Variants in PTPRO observed in about 807,000 individuals in gnomAD.
PTPRO encodes receptor-type tyrosine-protein phosphatase O.
Under a neutral mutation model 145.2 loss-of-function variants are expected in PTPRO, and 62 were observed. The observed-to-expected ratio is 0.43, with a 90% CI of 0.35 to 0.53. The LOEUF is 0.53. Among genes scored for constraint, PTPRO ranks in the 20% least tolerant of loss-of-function variants. The probability of loss-of-function intolerance (pLI) is 0.01; values close to 1 mark genes in which losing one functional copy is unlikely to be tolerated. For synonymous variants in PTPRO, 565 were observed against 514.7 expected (o/e 1.10, Z -1.32); for missense variants, 1,345 against 1,482.7 (o/e 0.91, Z 1.53).
rs141224314 is a variant in PTPRO at position 15,573,611 on chromosome 12, A to G, written c.2829+4113A>G. Among the ~76,000 whole-genome samples, 486 of 152,298 alleles carry G rather than the reference A, an allele frequency of 3.2e-3. 7 individuals carry two copies. The highest frequency in any genetic ancestry group is 0.011 in the African/African-American group (467 of 41,572). ...TTACATATTCTGGTAGGAAAATACA[A>G]CTTACTCTCTAGGGCTCTGTTTTAA... On this transcript the variant is annotated intron_variant, in intron 19 of 26. Coordinates refer to ENST00000281171, the MANE Select transcript of PTPRO (RefSeq NM_030667.3).
chr12:15,553,696 G>A (rs1338694436), intron 15 of PTPRO, among the ~76,000 whole-genome samples: 3 of 152,148 alleles, frequency 2.0e-5, no homozygotes, highest in Admixed American at 6.5e-5. Flanking sequence ...ATCTGACTTA[G>A]ATTTAACACT....
intron 1 of PTPRO, among the ~76,000 whole-genome samples, chr12:15,383,338 A>ATG (rs1565598573): frequency 6.6e-6 from 1 of 152,142 alleles, no homozygotes; most frequent in East Asian, 1.9e-4. Context: ...CATTGCATAT[A>ATG]TATACCATGT....
chr12:15,571,437 A>ATG (rs1474027984), intron 19 of PTPRO, among the ~76,000 whole-genome samples: 5 of 152,118 alleles, frequency 3.3e-5, no homozygotes, highest in African/African-American at 1.2e-4. Flanking sequence ...ACAGTTGCCC[A>ATG]CCACCATGCC....
At chr12:15,490,551 C>T (rs1017981355) in intron 2 of PTPRO, among the ~76,000 whole-genome samples, 3 of 152,152 alleles carry the variant, frequency 2.0e-5, no homozygotes, top group African/African-American at 7.2e-5. Context: ...TTTCTTAGCT[C>T]AAAAGTCAAA....
At chr12:15,336,054 T>C (rs1305152738) in intron 1 of PTPRO, among the ~76,000 whole-genome samples, 4 of 152,172 alleles carry the variant, frequency 2.6e-5, no homozygotes, top group South Asian at 4.1e-4. Flanking sequence ...ACGAGAATTC[T>C]GTAATAACAT....
chr12:15,391,290 T>C (rs908764616), intron 1 of PTPRO, among the ~76,000 whole-genome samples: 3 of 152,260 alleles, frequency 2.0e-5, no homozygotes, highest in Non-Finnish European at 2.9e-5. Context: ...CCAGTTATTA[T>C]TGGAACAAAT....
chr12:15,488,161 T>G (rs1941928894), intron 2 of PTPRO, among the ~76,000 whole-genome samples: 1 of 152,204 alleles, frequency 6.6e-6, no homozygotes, highest in Non-Finnish European at 1.5e-5. Context: ...GATGTTGTCC[T>G]GGGGCTTTCT....
intron 1 of PTPRO, among the ~76,000 whole-genome samples, chr12:15,377,804 C>T (rs1448611677): frequency 6.6e-6 from 1 of 151,806 alleles, no homozygotes; most frequent in African/African-American, 2.4e-5. Context: ...GTTCTCTGAC[C>T]ACAAGAAAAT....
intron 2 of PTPRO, among the ~76,000 whole-genome samples, chr12:15,485,535 T>G (rs1941867478): frequency 6.6e-6 from 1 of 152,074 alleles, no homozygotes. Flanking sequence ...AGATGATCCA[T>G]AAATATTAGT....
At chr12:15,473,536 C>T (rs1030215320) in intron 1 of PTPRO, among the ~76,000 whole-genome samples, 1 of 152,082 alleles carries the variant, frequency 6.6e-6, no homozygotes, top group Non-Finnish European at 1.5e-5. Flanking sequence ...GAGTCTGAGG[C>T]GCACAGACCA....
At chr12:15,482,095 C>T (rs1941790107) in intron 1 of PTPRO, among the ~76,000 whole-genome samples, 1 of 151,690 alleles carries the variant, frequency 6.6e-6, no homozygotes, top group Non-Finnish European at 1.5e-5. Flanking sequence ...AGGCAAGATA[C>T]AGAATCAACT....
At chr12:15,335,891 G>T (rs1215479328) in intron 1 of PTPRO, among the ~76,000 whole-genome samples, 3 of 152,122 alleles carry the variant, frequency 2.0e-5, no homozygotes, top group Non-Finnish European at 4.4e-5. Flanking sequence ...CTGAAGGATA[G>T]TTGAGAAACT....
At chr12:15,342,897 T>TTATTCAGGTATGTGTACC (rs1480208231) in intron 1 of PTPRO, among the ~76,000 whole-genome samples, 4 of 152,200 alleles carry the variant, frequency 2.6e-5, no homozygotes, top group South Asian at 2.1e-4. Context: ...GTGTCACCAA[T>TTATTCAGGTATGTGTACC]TATTCAGGTA....
At chr12:15,408,240 G>C in intron 1 of PTPRO, among the ~76,000 whole-genome samples, 1 of 151,950 alleles carries the variant, frequency 6.6e-6, no homozygotes, top group East Asian at 1.9e-4. Flanking sequence ...ATTGGAAAAA[G>C]AAAGATAAAT....
intron 16 of PTPRO, 72 bp from the exon 17 acceptor site, chr12:15,560,121 C>G (rs1343346927): frequency 1.9e-6 from 2 of 1,034,506 alleles, no homozygotes; most frequent in African/African-American, 1.6e-5. Flanking sequence ...TTACTGATAT[C>G]TATTCACAGT....
chr12:15,524,851 C>T lies in PTPRO; in HGVS notation c.1929C>T (p.Phe643=), dbSNP rs889475969. 5 of 1,613,468 alleles carry T rather than the reference C, an allele frequency of 3.1e-6. No homozygotes were observed. The African/African-American group carries it at 6.7e-5, about 22-fold the overall frequency. The part of the protein sequence containing the change: ...VAPEITSVEY[F]NSLLYISWTY... ...CGGAAATCACTTCTGTGGAATATTT[C>T]AACAGTCTGTTATATATCAGTTGGA... is the stretch of plus-strand genomic sequence containing the variant. Residue 643 remains phenylalanine, a synonymous_variant, in exon 11 of 27, where the codon TTC becomes TTT. Coordinates refer to ENST00000281171, the MANE Select transcript of PTPRO (RefSeq NM_030667.3).
chr12:15,505,518 C>T (rs1013541356), intron 6 of PTPRO, among the ~76,000 whole-genome samples: 1 of 152,144 alleles, frequency 6.6e-6, no homozygotes, highest in South Asian at 2.1e-4. Context: ...AGAGATGCAT[C>T]TTAATATTTA....
chr12:15,588,479 G>A (rs1157310811), intron 24 of PTPRO, among the ~76,000 whole-genome samples: 1 of 152,226 alleles, frequency 6.6e-6, no homozygotes, highest in Non-Finnish European at 1.5e-5. Flanking sequence ...GTCAGCGCAT[G>A]TCAGTCCACT....
At chr12:15,369,970 T>C (rs1938474042) in intron 1 of PTPRO, among the ~76,000 whole-genome samples, 2 of 152,134 alleles carry the variant, frequency 1.3e-5, no homozygotes, top group Admixed American at 1.3e-4. Context: ...GAGAATTGCT[T>C]GAACCCGGGA....
Sources: gnomAD v4.1 joint callset for allele counts (sites outside exome capture counted in the v4.1 genomes callset) on GRCh38, gnomAD v4.1.1 for gene constraint, MANE v1.5 for transcripts, NCBI Gene and HGNC (gene_info 2026-07-23, HGNC 2026-07-21) for gene names.